SLAIN2: variants seen among roughly 807,000 people sequenced by gnomAD.
The protein encoded by SLAIN2 is SLAIN family member 2.
In SLAIN2, 31 loss-of-function variants were observed where a neutral mutation model predicts 56.6. That is an observed-to-expected ratio of 0.55 (90% CI 0.41 to 0.74). The LOEUF is 0.74. Among genes scored for constraint, SLAIN2 ranks in the 30% least tolerant of loss-of-function variants. The pLI, the probability that SLAIN2 is intolerant of heterozygous loss-of-function variation, is 0.00. For synonymous variants in SLAIN2, 317 were observed against 284.9 expected (o/e 1.11, Z -1.13); for missense variants, 777 against 754.2 (o/e 1.03, Z -0.35).
At position 48,379,858 on chromosome 4, in the gene SLAIN2, C is replaced by G. The variant is rs1350173013; in HGVS notation, c.862+10C>G. 6.5e-7 allele frequency: 1 copy of G among 1,534,564 alleles called. No homozygotes were observed. The highest frequency in any genetic ancestry group is 1.3e-5 in the South Asian group (1 of 78,198). On this transcript the variant is annotated intron_variant, in intron 4 of 7. Transcript: ENST00000264313. Reference sequence around the variant, plus strand: ...CGGATGCAGGAAGAAAGTAAGTATTCTAATTGTTAAGAGTTGAGGTTTTTT... The same window carrying G: ...CGGATGCAGGAAGAAAGTAAGTATTGTAATTGTTAAGAGTTGAGGTTTTTT...
chr4:48,365,611 A>T (rs7658851), intron 1 of SLAIN2, among the ~76,000 whole-genome samples: 44,024 of 150,946 alleles, frequency 0.29, 6,635 homozygotes, highest in South Asian at 0.48. Context: ...CCCAGGGTGG[A>T]GTGCAGTGGC....
Position 48,425,447 on chromosome 4 carries a change from A to G in SLAIN2, c.*3370A>G, listed in dbSNP as rs1272696529. ...TGCGAATATTTAGGTGATCACGTGC[A>G]TCTTTTCTTGTATGGATGGAAAAAT... On this transcript the variant is annotated 3_prime_UTR_variant, in exon 8 of 8. Transcript: ENST00000264313. 1 of 152,146 alleles carries G rather than the reference A, an allele frequency of 6.6e-6. No homozygotes were observed. The highest frequency in any genetic ancestry group is 1.5e-5 in the Non-Finnish European group (1 of 67,994). 9.4% of individuals were successfully genotyped at this position (152,146 alleles called of 1,614,324 possible). A position where few individuals can be genotyped will look rare whatever the true frequency, so the allele number is the denominator to read the frequency against.
intron 6 of SLAIN2, among the ~76,000 whole-genome samples, chr4:48,412,001 GGA>G (rs1716859157): frequency 7.1e-6 from 1 of 141,642 alleles, no homozygotes; most frequent in Admixed American, 7.1e-5. Flanking sequence ...ATGTTTTTAT[GGA>G]GAGAGTTGAG....
In SLAIN2 at chr4:48,363,519, G is replaced by T. The variant is rs1397543802; in HGVS notation, c.390-6330G>T. ...TCCTCACTTCCCAGTAGGGGCGGCC[G>T]GGCAGAGGCGCCCCTCACCTCCCAG... On this transcript the variant is annotated intron_variant, in intron 1 of 7. Transcript: ENST00000264313. Among the ~76,000 whole-genome samples, 3 of 72,952 alleles carry T rather than the reference G, an allele frequency of 4.1e-5. 1 individual carries two copies. The South Asian group carries it at 2.2e-3, about 53-fold the overall frequency. 47.9% of individuals were successfully genotyped at this position (72,952 alleles called of 152,430 possible).
intron 6 of SLAIN2, among the ~76,000 whole-genome samples, chr4:48,396,544 C>T (rs1716394456): frequency 6.6e-6 from 1 of 152,132 alleles, no homozygotes; most frequent in Non-Finnish European, 1.5e-5. Context: ...CATATCGAGA[C>T]ATTAAAGGGA....
chr4:48,386,805 C>T lies in SLAIN2; in HGVS notation c.1360+3021C>T, dbSNP rs376628166. ...AGATTAATTTGACACTTGAGAATATCCTGTTTCTGGCTTCTTTTTTCCCCT... is the reference window on the plus strand; with the variant it reads ...AGATTAATTTGACACTTGAGAATATTCTGTTTCTGGCTTCTTTTTTCCCCT... On this transcript the variant is annotated intron_variant, in intron 6 of 7. Coordinates refer to ENST00000264313, the MANE Select transcript of SLAIN2 (RefSeq NM_020846.2). Among the ~76,000 whole-genome samples, 178 of 152,182 alleles carry T rather than the reference C, an allele frequency of 1.2e-3. 6 individuals are homozygous for T. In the South Asian group the frequency reaches 0.036, roughly 31 times the overall value.
intron 6 of SLAIN2, 113 bp downstream of exon 6, chr4:48,383,897 C>T (rs1472509771): frequency 1.7e-6 from 2 of 1,149,734 alleles, no homozygotes; most frequent in African/African-American, 1.6e-5. Context: ...CGTTTTAAAC[C>T]ATAGCTATAG....
intron 4 of SLAIN2, 29 bp downstream of exon 4, chr4:48,379,877 G>GT (rs1715926150): frequency 6.8e-7 from 1 of 1,468,628 alleles, no homozygotes; most frequent in Non-Finnish European, 9.0e-7. Flanking sequence ...AAGAGTTGAG[G>GT]TTTTTTACTA....
At position 48,341,711 on chromosome 4, in the gene SLAIN2, G is replaced by A; in HGVS notation, c.-29G>A. ...CTGTCGCTGCGAGAGCGAGCGGGCGGCGGAGGCGGCGGCGGCGGCGGGGCC... is the reference window on the plus strand; with the variant it reads ...CTGTCGCTGCGAGAGCGAGCGGGCGACGGAGGCGGCGGCGGCGGCGGGGCC... On this transcript the variant is annotated 5_prime_UTR_variant, in exon 1 of 8. Coordinates refer to ENST00000264313, the MANE Select transcript of SLAIN2 (RefSeq NM_020846.2). 3.9e-6 allele frequency: 6 copies of A among 1,523,394 alleles called. No individual in the cohort carries two copies. Among genetic ancestry groups the A allele is most frequent in the Non-Finnish European group, 5.3e-6 (6 of 1,135,178 alleles). 94.4% of individuals were successfully genotyped at this position (1,523,394 alleles called of 1,614,324 possible).
At chr4:48,359,110 T>C (rs1715248477) in intron 1 of SLAIN2, among the ~76,000 whole-genome samples, 1 of 152,234 alleles carries the variant, frequency 6.6e-6, no homozygotes, top group African/African-American at 2.4e-5. Context: ...GTGGCCACTT[T>C]AATTTACTTT....
intron 1 of SLAIN2, among the ~76,000 whole-genome samples, chr4:48,359,539 A>G (rs540954576): frequency 2.3e-4 from 35 of 152,322 alleles, no homozygotes; most frequent in Non-Finnish European, 4.6e-4. Flanking sequence ...TTACTTATTA[A>G]TATATGTCTA....
intron 6 of SLAIN2, chr4:48,394,669 TACTC>T (rs1319479449): frequency 6.5e-7 from 1 of 1,532,896 alleles, no homozygotes; most frequent in Non-Finnish European, 8.7e-7. Flanking sequence ...TACAGCCTCT[TACTC>T]AGTTTAAAAT....
At chr4:48,360,252 A>T (rs1291878597) in intron 1 of SLAIN2, among the ~76,000 whole-genome samples, 1 of 152,092 alleles carries the variant, frequency 6.6e-6, no homozygotes, top group Non-Finnish European at 1.5e-5. Flanking sequence ...ACATTTTGAC[A>T]GCTTTATCAA....
At chr4:48,413,812 G>A (rs1480861670) in intron 6 of SLAIN2, among the ~76,000 whole-genome samples, 1 of 152,146 alleles carries the variant, frequency 6.6e-6, no homozygotes, top group African/African-American at 2.4e-5. Flanking sequence ...ACTGCTCTGT[G>A]AAGACAACTT....
At chr4:48,388,352 T>TA (rs1560459817) in intron 6 of SLAIN2, among the ~76,000 whole-genome samples, 1 of 152,184 alleles carries the variant, frequency 6.6e-6, no homozygotes, top group East Asian at 1.9e-4. Context: ...TTCAAAAGGC[T>TA]AATGCCTTGC....
chr4:48,407,446 G>C (rs545821242), intron 6 of SLAIN2, among the ~76,000 whole-genome samples: 29 of 152,012 alleles, frequency 1.9e-4, no homozygotes, highest in Non-Finnish European at 3.7e-4. Flanking sequence ...TTCTTACCAT[G>C]ATTTCTGGTA....
intron 6 of SLAIN2, among the ~76,000 whole-genome samples, chr4:48,390,831 T>TTATCAATCTGTCTAC (rs1267120209): frequency 6.6e-6 from 1 of 152,222 alleles, no homozygotes; most frequent in Non-Finnish European, 1.5e-5. Context: ...ATAGCCAGAT[T>TTATCAATCTGTCTAC]TATCAATCTG....
intron 6 of SLAIN2, among the ~76,000 whole-genome samples, chr4:48,416,605 G>C (rs1215341972): frequency 6.6e-6 from 1 of 151,470 alleles, no homozygotes. Flanking sequence ...ATGTTGAATA[G>C]GAGCGGTGAG....
At chr4:48,348,984 A>G (rs1714941755) in intron 1 of SLAIN2, among the ~76,000 whole-genome samples, 1 of 152,206 alleles carries the variant, frequency 6.6e-6, no homozygotes, top group Non-Finnish European at 1.5e-5. Flanking sequence ...TTTTGCCAGA[A>G]CCTTCAAGAA....
Sources: gnomAD v4.1 joint callset for allele counts (sites outside exome capture counted in the v4.1 genomes callset) on GRCh38, gnomAD v4.1.1 for gene constraint, MANE v1.5 for transcripts, NCBI Gene and HGNC (gene_info 2026-07-23, HGNC 2026-07-21) for gene names.